SPATA1: variants seen among roughly 807,000 people sequenced by gnomAD.
SPATA1 encodes the protein spermatogenesis associated 1.
In SPATA1, 57 loss-of-function variants were observed where a neutral mutation model predicts 59.6. The ratio of observed to expected loss-of-function variants is 0.96; its 90% CI spans 0.77 to 1.19. The LOEUF (loss-of-function observed/expected upper bound fraction) is 1.19, where lower values mean the gene tolerates loss of function less well. SPATA1 is among the 50% of genes most tolerant of loss of function. The pLI, the probability that SPATA1 is intolerant of heterozygous loss-of-function variation, is 0.00. For missense variants in SPATA1, 448 were observed against 480.7 expected (o/e 0.93, Z 0.64); for synonymous variants, 147 against 163.9 (o/e 0.90, Z 0.79).
chr1:84,548,751 T>TC (rs1491516156), intron 10 of SPATA1, 35 bp from the exon 11 acceptor site: 247 of 9,098 alleles, frequency 0.027, no homozygotes, highest in Non-Finnish European at 0.036. Context: ...AGGCCTTTCC[T>TC]TTTTTTTTTT....
intron 6 of SPATA1, among the ~76,000 whole-genome samples, chr1:84,526,745 G>T (rs890016051): frequency 1.3e-5 from 2 of 151,736 alleles, no homozygotes; most frequent in Non-Finnish European, 2.9e-5. Flanking sequence ...GCACATGCCT[G>T]TAGTCCCAGC....
At chr1:84,541,474 G>A (rs185935324) in intron 8 of SPATA1, among the ~76,000 whole-genome samples, 2 of 150,648 alleles carry the variant, frequency 1.3e-5, no homozygotes, top group Admixed American at 1.3e-4. Context: ...CTATATTTTT[G>A]GTCATATATG....
chr1:84,537,926 T>TA (rs1433256069), intron 8 of SPATA1, among the ~76,000 whole-genome samples: 1 of 152,214 alleles, frequency 6.6e-6, no homozygotes, highest in Non-Finnish European at 1.5e-5. Flanking sequence ...AGAATCCTCA[T>TA]ACTGCCTCCC....
Position 84,532,850 on chromosome 1 carries a change from T to C in SPATA1, c.545-10T>C, listed in dbSNP as rs562559459. On this transcript the variant is annotated splice_polypyrimidine_tract_variant and intron_variant, in intron 6 of 12. Coordinates refer to ENST00000490879, the Ensembl canonical transcript of SPATA1. ...GAACTTTATTTGCTGTGGATGACCA[T>C]CAACATCAGCTGGGGGAAAAGCCAC... 114 of 1,539,332 alleles carry C rather than the reference T, an allele frequency of 7.4e-5. No individual in the cohort carries two copies. The highest frequency in any genetic ancestry group is 9.6e-5 in the Non-Finnish European group (109 of 1,136,092).
intron 4 of SPATA1, among the ~76,000 whole-genome samples, chr1:84,564,225 C>G (rs1051577461): frequency 2.0e-5 from 3 of 152,086 alleles, no homozygotes; most frequent in Non-Finnish European, 4.4e-5. Flanking sequence ...CAGTGATGGT[C>G]TCAGAGTTTC....
chr1:84,520,648 T>C (rs146111221), exon 3 of SPATA1: 3 of 1,580,450 alleles, frequency 1.9e-6, no homozygotes, highest in Non-Finnish European at 2.6e-6. Flanking sequence ...AAATACCATT[T>C]CAACAGAAGT....
intron 9 of SPATA1, 135 bp from the exon 10 acceptor site, chr1:84,545,499 T>C: frequency 1.0e-6 from 1 of 974,490 alleles, no homozygotes; most frequent in Non-Finnish European, 1.4e-6. Flanking sequence ...TGCTATACTG[T>C]AGCAAGAAAA....
intron 7 of SPATA1, 94 bp from the exon 8 acceptor site, chr1:84,533,615 T>C: frequency 3.0e-6 from 3 of 1,008,454 alleles, no homozygotes; most frequent in Non-Finnish European, 4.5e-6. Context: ...AATATTTGTG[T>C]TTACAGAGCA....
rs762460676 is a variant in SPATA1 at position 84,532,966 on chromosome 1, T to TA, written c.658dup (p.Ser220LysfsTer8). The TA allele has an allele frequency of 5.2e-6, 8 of 1,546,848 alleles. No homozygotes were observed. In the African/African-American group the frequency reaches 5.5e-5, roughly 11 times the overall value. The stretch of plus-strand genomic sequence containing the variant: ...ATTCAAATAATGATTGCTTTGGCAC[T>TA]AAAAAAAGGTAATTAGTATAGATGC... On this transcript the variant is annotated frameshift_variant, in exon 7 of 13. Coordinates refer to ENST00000490879, the Ensembl canonical transcript of SPATA1. LOFTEE classifies it high-confidence loss of function.
At chr1:84,514,354 G>A (rs574089767) in intron 1 of SPATA1, among the ~76,000 whole-genome samples, 1 of 152,292 alleles carries the variant, frequency 6.6e-6, no homozygotes, top group African/African-American at 2.4e-5. Context: ...CATTACTTTA[G>A]AAGGGATACT....
chr1:84,548,214 A>G lies in SPATA1; in HGVS notation c.947-572A>G, dbSNP rs184861817. ...GAGATTTTTGTTTCTATGATAATCT[A>G]AAAGAAAGAAACTAAACAAATTCTG... On this transcript the variant is annotated intron_variant, in intron 10 of 12. Transcript: ENST00000490879. Among the ~76,000 whole-genome samples, 141 of 152,174 alleles carry G rather than the reference A, an allele frequency of 9.3e-4. No homozygotes were observed. The East Asian group carries it at 0.021, about 23-fold the overall frequency.
exon 7 of SPATA1, chr1:84,532,882 A>G: frequency 6.4e-7 from 1 of 1,552,026 alleles, no homozygotes; most frequent in South Asian, 1.2e-5. Context: ...CCACTGCAGA[A>G]AAAAGCCAAA....
intron 10 of SPATA1, among the ~76,000 whole-genome samples, chr1:84,548,443 T>C (rs1302021007): frequency 6.8e-6 from 1 of 147,682 alleles, no homozygotes; most frequent in Non-Finnish European, 1.5e-5. Flanking sequence ...TTTATATATG[T>C]TATAGATTAC....
intron 12 of SPATA1, chr1:84,552,899 T>C (rs1378598723): frequency 3.3e-6 from 2 of 608,662 alleles, no homozygotes; most frequent in Non-Finnish European, 5.8e-6. Flanking sequence ...AGTAATCCAG[T>C]GGGAGTTGAA....
At chr1:84,533,286 C>T (rs889639232) in intron 7 of SPATA1, among the ~76,000 whole-genome samples, 1 of 151,982 alleles carries the variant, frequency 6.6e-6, no homozygotes, top group South Asian at 2.1e-4. Flanking sequence ...CTCTTAAGTT[C>T]TTGGTTATAG....
chr1:84,545,222 A>AAT (rs1444782723), intron 9 of SPATA1, among the ~76,000 whole-genome samples: 1 of 148,552 alleles, frequency 6.7e-6, no homozygotes, highest in South Asian at 2.1e-4. Context: ...ATCTCAAAAA[A>AAT]ATATATATAT....
intron 6 of SPATA1, among the ~76,000 whole-genome samples, chr1:84,528,387 A>G (rs572743857): frequency 2.0e-5 from 3 of 152,232 alleles, no homozygotes; most frequent in South Asian, 2.1e-4. Flanking sequence ...TTTTTACTCT[A>G]TGATTCTTTT....
intron 4 of SPATA1, among the ~76,000 whole-genome samples, chr1:84,560,762 A>T (rs1684581796): frequency 6.6e-6 from 1 of 152,202 alleles, no homozygotes; most frequent in African/African-American, 2.4e-5. Context: ...ATCCTATGGC[A>T]CTTAAGAATT....
chr1:84,558,927 T>A (rs145722145), downstream of SPATA1, among the ~76,000 whole-genome samples: 260 of 152,166 alleles, frequency 1.7e-3, 1 homozygote, highest in African/African-American at 5.3e-3. Context: ...TGTTCCTGCA[T>A]TTTCACATTC....
Sources: gnomAD v4.1 joint callset for allele counts (sites outside exome capture counted in the v4.1 genomes callset) on GRCh38, gnomAD v4.1.1 for gene constraint, MANE v1.5 for transcripts, NCBI Gene and HGNC (gene_info 2026-07-23, HGNC 2026-07-21) for gene names.